The following CHM variants were observed in gnomAD, a reference collection of about 807,000 sequenced individuals.
CHM encodes rab proteins geranylgeranyltransferase component A 1.
A neutral mutation model predicts 49.0 loss-of-function variants in CHM; 10 were observed. That is an observed-to-expected ratio of 0.20 (90% CI 0.13 to 0.35). The LOEUF is 0.35. Ranked by LOEUF, CHM falls within the 10% of genes least tolerant of loss-of-function variation. The pLI, the probability that CHM is intolerant of heterozygous loss-of-function variation, is 1.00. For missense variants in CHM, 455 were observed against 478.4 expected (o/e 0.95, Z 0.46); for synonymous variants, 184 against 167.5 (o/e 1.10, Z -0.76).
At chrX:85,998,195 T>C (rs1603274410) in intron 2 of CHM, among the ~76,000 whole-genome samples, 1 of 111,818 alleles carries the variant, frequency 8.9e-6, no homozygotes, top group Non-Finnish European at 1.9e-5. Context: ...CAGCATACTA[T>C]TACTAAATAA....
intron 2 of CHM, among the ~76,000 whole-genome samples, chrX:85,986,571 C>T (rs1931924892): frequency 1.8e-5 from 2 of 112,057 alleles, no homozygotes; most frequent in Admixed American, 9.5e-5. Flanking sequence ...CACTAACATA[C>T]GTACCTCTCT....
At chrX:85,966,161 C>T (rs1290217512) in intron 4 of CHM, among the ~76,000 whole-genome samples, 5 of 110,322 alleles carry the variant, frequency 4.5e-5, no homozygotes, top group Non-Finnish European at 9.5e-5. Flanking sequence ...ACCAGCCTGA[C>T]CAACATGGTG....
chrX:85,937,961 A>T (rs1928884441), intron 8 of CHM, among the ~76,000 whole-genome samples: 1 of 112,037 alleles, frequency 8.9e-6, no homozygotes, highest in Non-Finnish European at 1.9e-5. Flanking sequence ...CATGAGAGTC[A>T]CAATAATTCC....
intron 4 of CHM, chrX:85,969,053 T>C: frequency 1.5e-6 from 1 of 659,403 alleles, no homozygotes; most frequent in Non-Finnish European, 1.8e-6. Context: ...AATTTTTAAG[T>C]GGAAATTTAA....
chrX:85,897,466 GC>G (rs1420388025), intron 11 of CHM, among the ~76,000 whole-genome samples: 4 of 108,476 alleles, frequency 3.7e-5, no homozygotes, highest in Non-Finnish European at 5.7e-5. Flanking sequence ...AAAAGGGCTG[GC>G]TTTGAACAAG....
chrX:85,999,697 G>A (rs5968768), intron 2 of CHM, among the ~76,000 whole-genome samples: 19,113 of 111,016 alleles, frequency 0.17, 1,554 homozygotes, highest in Non-Finnish European at 0.25. Flanking sequence ...TCACGTGTCC[G>A]CAGCTCATTA....
At chrX:86,016,603 TGG>T (rs1304906497) in intron 2 of CHM, among the ~76,000 whole-genome samples, 2 of 112,508 alleles carry the variant, frequency 1.8e-5, no homozygotes, top group African/African-American at 6.5e-5. Flanking sequence ...AGTCAAAAAT[TGG>T]GGTTTAGGAA....
chrX:85,951,737 C>CA (rs1418223845), intron 8 of CHM, among the ~76,000 whole-genome samples: 1 of 111,707 alleles, frequency 9.0e-6, no homozygotes, highest in African/African-American at 3.3e-5. Context: ...TAACTACACA[C>CA]AAAAAAAGAA....
At chrX:85,969,497 G>C (rs1222385475) in intron 4 of CHM, 12 of 595,172 alleles carry the variant, frequency 2.0e-5, no homozygotes, top group Non-Finnish European at 2.4e-5. Context: ...CTCACACACT[G>C]TTGGTAGGAA....
chrX:85,999,121 G>C (rs1932583479), intron 2 of CHM, among the ~76,000 whole-genome samples: 2 of 110,904 alleles, frequency 1.8e-5, no homozygotes, highest in Admixed American at 1.9e-4. Context: ...AGGCCAAAGA[G>C]AAATCTAGTC....
At chrX:86,008,324 G>A (rs186575234) in intron 2 of CHM, among the ~76,000 whole-genome samples, 210 of 110,487 alleles carry the variant, frequency 1.9e-3, no homozygotes, top group African/African-American at 6.6e-3. Flanking sequence ...AGTTGATGGG[G>A]GCAGCACACC....
At chrX:86,041,011 A>C (rs754059194) in intron 1 of CHM, among the ~76,000 whole-genome samples, 1 of 112,327 alleles carries the variant, frequency 8.9e-6, no homozygotes, top group South Asian at 3.7e-4. Context: ...ATGATTTAGC[A>C]TGAGTTAACA....
At chrX:85,877,346 G>C (rs1924479705) in intron 13 of CHM, among the ~76,000 whole-genome samples, 2 of 111,347 alleles carry the variant, frequency 1.8e-5, no homozygotes, top group African/African-American at 6.5e-5. Flanking sequence ...GGCACAGAAA[G>C]ACAAACTTAA....
intron 1 of CHM, among the ~76,000 whole-genome samples, chrX:86,037,110 CTTTT>C (rs1048558599): frequency 1.4e-5 from 1 of 70,776 alleles, no homozygotes; most frequent in African/African-American, 5.2e-5. Flanking sequence ...CTAATTTTTC[CTTTT>C]TTTTTTTTTT....
At position 85,894,199 on chromosome X, in the gene CHM, A is replaced by T; in HGVS notation, c.1499T>A (p.Met500Lys). 8.3e-7 allele frequency: 1 copy of T among 1,207,448 alleles called. No individual in the cohort carries two copies. The highest frequency in any genetic ancestry group is 1.1e-6 in the Non-Finnish European group (1 of 891,665). ...TCTACTATGCTTACAGGTGCCTTTC[A>T]TGCATGTCATCGTTGAAGAACATAA... Reference protein sequence around the residue: ...IELCSSTMTCMKGTYLVHLTC... With the variant: ...IELCSSTMTCKKGTYLVHLTC... The change falls in exon 12 of 15, where the codon ATG becomes AAG. Residue 500 changes from methionine to lysine, a missense_variant. Physicochemically the swap from Met to Lys is moderately conservative, Grantham distance 95. Coordinates refer to ENST00000357749, the MANE Select transcript of CHM (RefSeq NM_000390.4).
chrX:85,998,648 G>C (rs1932559381), intron 2 of CHM, among the ~76,000 whole-genome samples: 1 of 111,651 alleles, frequency 9.0e-6, no homozygotes, highest in Non-Finnish European at 1.9e-5. Context: ...TTACCCTCAA[G>C]ATCACATGGC....
chrX:85,989,154 T>C (rs750559757), intron 2 of CHM, among the ~76,000 whole-genome samples: 4 of 111,791 alleles, frequency 3.6e-5, no homozygotes, highest in South Asian at 3.8e-4. Context: ...ACCAGGTACA[T>C]AGACCAATGG....
intron 4 of CHM, chrX:85,969,732 T>TA (rs761746069): frequency 9.0e-6 from 1 of 111,644 alleles, no homozygotes; most frequent in African/African-American, 3.3e-5. Context: ...ACAAATGAAT[T>TA]AACAAGGAAA....
At chrX:85,887,059 T>C (rs1237008426) in intron 12 of CHM, among the ~76,000 whole-genome samples, 1 of 108,187 alleles carries the variant, frequency 9.2e-6, no homozygotes, top group Non-Finnish European at 1.9e-5. Flanking sequence ...ACTTTCTCAG[T>C]CAACCTTCCT....
Sources: gnomAD v4.1 joint callset for allele counts (sites outside exome capture counted in the v4.1 genomes callset) on GRCh38, gnomAD v4.1.1 for gene constraint, MANE v1.5 for transcripts, NCBI Gene and HGNC (gene_info 2026-07-23, HGNC 2026-07-21) for gene names.